Variants in KDM1A observed in about 807,000 individuals in gnomAD.
The protein encoded by KDM1A is lysine-specific histone demethylase 1A.
A neutral mutation model predicts 109.4 loss-of-function variants in KDM1A; 49 were observed. The observed-to-expected ratio is 0.45, with a 90% CI of 0.36 to 0.57. KDM1A has a LOEUF of 0.57. Ranked by LOEUF, KDM1A falls within the 20% of genes least tolerant of loss-of-function variation. The probability of loss-of-function intolerance (pLI) is 0.00; values close to 1 mark genes in which losing one functional copy is unlikely to be tolerated. For synonymous variants in KDM1A, 380 were observed against 415.4 expected, an observed-to-expected ratio of 0.91 and a Z score of 1.04; for missense variants, 668 against 1,116.6, an observed-to-expected ratio of 0.60 and a Z score of 5.73.
intron 6 of KDM1A, 105 bp from the exon 7 acceptor site, chr1:23,055,827 T>C: frequency 1.9e-6 from 1 of 532,036 alleles, no homozygotes; most frequent in Non-Finnish European, 3.3e-6. Context: ...ATTTTTTACT[T>C]TGTAAGCTAT....
intron 3 of KDM1A, among the ~76,000 whole-genome samples, 190 bp downstream of exon 3, chr1:23,044,676 C>T (rs994531200): frequency 6.6e-6 from 1 of 152,244 alleles, no homozygotes; most frequent in African/African-American, 2.4e-5. Flanking sequence ...CTTTTGAAGT[C>T]CTCAGGCCGA....
chr1:23,067,142 TA>T (rs1222718848), intron 10 of KDM1A, among the ~76,000 whole-genome samples: 1 of 152,234 alleles, frequency 6.6e-6, no homozygotes, highest in African/African-American at 2.4e-5. Flanking sequence ...CAAACCAGAA[TA>T]TTTTTAGAGA....
intron 18 of KDM1A, 24 bp from the exon 19 acceptor site, chr1:23,081,415 AACCCTAG>A: frequency 6.2e-7 from 1 of 1,611,338 alleles, no homozygotes; most frequent in Non-Finnish European, 8.5e-7. Flanking sequence ...TCTGTAGGAA[AACCCTAG>A]AATTATCCTT....
At position 23,056,083 on chromosome 1, in the gene KDM1A, A is replaced by G. The variant is rs746077194; in HGVS notation, c.990+45A>G. 4 of 1,264,852 alleles carry G rather than the reference A, an allele frequency of 3.2e-6. No homozygotes were observed. The African/African-American group carries it at 5.9e-5, about 19-fold the overall frequency. The allele number at this position is 1,264,852 out of a possible 1,614,324, so 78.4% of individuals were successfully genotyped here. On this transcript the variant is annotated intron_variant, in intron 7 of 20. Transcript: ENST00000400181. ...TTTAGAGGCTTGACCTATTGGAAAT[A>G]TGGTAAGCAAATTATCTGTTGCAAA...
chr1:23,049,938 C>T (rs2124450134), intron 3 of KDM1A, among the ~76,000 whole-genome samples: 1 of 152,208 alleles, frequency 6.6e-6, no homozygotes, highest in South Asian at 2.1e-4. Flanking sequence ...TTGTGATTTT[C>T]TGCTGTTGAT....
chr1:23,064,505 G>T (rs1055416673), intron 9 of KDM1A, among the ~76,000 whole-genome samples: 1 of 152,126 alleles, frequency 6.6e-6, no homozygotes, highest in African/African-American at 2.4e-5. Flanking sequence ...ATTACCTAGC[G>T]TACATTGCTG....
rs1318805275 is a variant in KDM1A at position 23,055,983 on chromosome 1, C to T, written c.935C>T (p.Ala312Val). Residue 312 changes from alanine to valine, a missense_variant, in exon 7 of 21, where the codon GCA becomes GTA. This residue lies in a region of KDM1A where 53 missense variants were observed against 122.5 expected (regional missense o/e 0.43). Transcript: ENST00000400181. ...ATAGGCTCTGGGGTCTCAGGCTTGG[C>T]AGCAGCTCGACAGTTACAAAGTTTT... ...IIIGSGVSGL[A>V]AARQLQSFGM... 1.2e-6 allele frequency: 2 copies of T among 1,612,880 alleles called. No individual in the cohort carries two copies. The highest frequency in any genetic ancestry group is 1.3e-5 in the African/African-American group (1 of 74,828).
At chr1:23,055,345 C>A in intron 6 of KDM1A, 184 bp downstream of exon 6, 1 of 321,060 alleles carries the variant, frequency 3.1e-6, no homozygotes, top group East Asian at 5.0e-5. Flanking sequence ...AAAATATAGT[C>A]TCTTAATAAA....
At chr1:23,046,319 C>T (rs1557536915) in intron 3 of KDM1A, among the ~76,000 whole-genome samples, 1 of 152,156 alleles carries the variant, frequency 6.6e-6, no homozygotes, top group Admixed American at 6.5e-5. Flanking sequence ...TCTCTCCTCC[C>T]CCTATTCCTT....
chr1:23,074,424 A>T (rs911516611), intron 15 of KDM1A, among the ~76,000 whole-genome samples: 5 of 152,172 alleles, frequency 3.3e-5, no homozygotes, highest in Non-Finnish European at 7.3e-5. Context: ...AATCTGTCTC[A>T]AAGAGTAAAA....
chr1:23,045,117 A>G (rs186678385), intron 3 of KDM1A, among the ~76,000 whole-genome samples: 147 of 152,304 alleles, frequency 9.7e-4, no homozygotes, highest in African/African-American at 3.4e-3. Flanking sequence ...AAGAATTTAT[A>G]GGGGCCACCA....
intron 9 of KDM1A, among the ~76,000 whole-genome samples, chr1:23,062,000 G>A (rs1438914170): frequency 6.6e-6 from 1 of 152,148 alleles, no homozygotes; most frequent in Non-Finnish European, 1.5e-5. Context: ...AGTACAAAGA[G>A]CCCCACTAAT....
Position 23,074,171 on chromosome 1 carries a change from T to C in KDM1A, c.1734+768T>C, listed in dbSNP as rs534007964. On this transcript the variant is annotated intron_variant, in intron 15 of 20. Coordinates refer to ENST00000400181, the MANE Select transcript of KDM1A (RefSeq NM_001009999.3). The stretch of plus-strand genomic sequence containing the variant: ...AGCCATTCTAATAGGTATAGTAGTA[T>C]TTGCATTTCCCTGATGACTAGTGAT... Among the ~76,000 whole-genome samples, 7 of 152,358 alleles carry C rather than the reference T, an allele frequency of 4.6e-5. 1 individual carries two copies. In the East Asian group the frequency reaches 1.2e-3, roughly 25 times the overall value.
At chr1:23,058,829 C>T (rs1642915693) in intron 8 of KDM1A, among the ~76,000 whole-genome samples, 1 of 151,946 alleles carries the variant, frequency 6.6e-6, no homozygotes, top group Non-Finnish European at 1.5e-5. Context: ...TTGTGTGGGT[C>T]TGTAATTTTA....
At chr1:23,026,398 T>TTG in intron 1 of KDM1A, among the ~76,000 whole-genome samples, 1 of 66,804 alleles carries the variant, frequency 1.5e-5, no homozygotes. Context: ...CTGTTTGTTT[T>TTG]TTTTTTTTTG....
Position 23,064,337 on chromosome 1 carries a change from CTAATCT to C in KDM1A, c.1168-1715_1168-1710del, listed in dbSNP as rs1643101782. 2.0e-5 allele frequency among the ~76,000 whole-genome samples: 3 copies of C among 152,330 alleles called. No homozygotes were observed. The South Asian group carries it at 6.2e-4, about 32-fold the overall frequency. The stretch of plus-strand genomic sequence containing the variant: ...CTTCTTCTAGGTTTTACCAAATGAA[CTAATCT>C]TAATCTTCTGCTTTACCATAATTCT... On this transcript the variant is annotated intron_variant, in intron 9 of 20. Transcript: ENST00000400181.
intron 4 of KDM1A, among the ~76,000 whole-genome samples, chr1:23,051,097 C>G (rs932013114): frequency 6.6e-6 from 1 of 151,886 alleles, no homozygotes; most frequent in Non-Finnish European, 1.5e-5. Context: ...CAAAAAAAAA[C>G]AAAAACCTTT....
intron 2 of KDM1A, among the ~76,000 whole-genome samples, chr1:23,032,610 G>A (rs1642019686): frequency 6.6e-6 from 1 of 152,070 alleles, no homozygotes; most frequent in African/African-American, 2.4e-5. Flanking sequence ...TGAAAATAGT[G>A]ATTCTTCCTT....
intron 18 of KDM1A, 159 bp from the exon 19 acceptor site, chr1:23,081,287 G>A: frequency 1.2e-6 from 1 of 805,002 alleles, no homozygotes; most frequent in East Asian, 2.6e-5. Flanking sequence ...AGTTCTGTAT[G>A]CTGTTTCAGA....
Sources: allele counts gnomAD v4.1 joint callset (sites outside exome capture counted in the v4.1 genomes callset), GRCh38; gene constraint gnomAD v4.1.1; regional missense constraint gnomAD v4.1.1; transcripts MANE v1.5; gene names NCBI Gene and HGNC (gene_info 2026-07-23, HGNC 2026-07-21).